Variants in INPP5A observed in about 807,000 individuals in gnomAD.
INPP5A encodes 43 kDa inositol polyphosphate 5-phophatase.
Under a neutral mutation model 65.2 loss-of-function variants are expected in INPP5A, and 14 were observed. That is an observed-to-expected ratio of 0.21 (90% CI 0.14 to 0.34). INPP5A has a LOEUF of 0.34. INPP5A is among the 10% of genes least tolerant of loss of function. The pLI, the probability that INPP5A is intolerant of heterozygous loss-of-function variation, is 1.00. For synonymous variants in INPP5A, 207 were observed against 208.3 expected (o/e 0.99, Z 0.05); for missense variants, 431 against 545.6 (o/e 0.79, Z 2.09).
intron 6 of INPP5A, among the ~76,000 whole-genome samples, chr10:132,703,940 C>G: frequency 7.6e-6 from 1 of 131,462 alleles, no homozygotes; most frequent in Non-Finnish European, 1.6e-5. Flanking sequence ...TTCACCCCCA[C>G]ACACACGCGG....
chr10:132,700,200 G>T (rs1325489693), intron 6 of INPP5A, among the ~76,000 whole-genome samples: 1 of 152,256 alleles, frequency 6.6e-6, no homozygotes, highest in South Asian at 2.1e-4. Flanking sequence ...GAAAGTAGAC[G>T]ATTCCTGGGA....
In INPP5A at chr10:132,644,598, C is replaced by T. The variant is rs2072469091; in HGVS notation, c.118-1270C>T. On this transcript the variant is annotated intron_variant, in intron 2 of 15. Transcript: ENST00000368594. This position sits in a 1 kb window ranked among gnomAD's most constrained non-coding sequence, Gnocchi z 6.5. ...GTGTCGTCGTGAGCACCTCCAGGCTCCCAAGCCCAGCACAGACAGCACCGG... is the reference window on the plus strand; with the variant it reads ...GTGTCGTCGTGAGCACCTCCAGGCTTCCAAGCCCAGCACAGACAGCACCGG... Among the ~76,000 whole-genome samples, 2 of 152,350 alleles carry T rather than the reference C, an allele frequency of 1.3e-5. No individual in the cohort carries two copies. The highest frequency in any genetic ancestry group is 2.1e-4 in the South Asian group (1 of 4,830).
At chr10:132,639,613 A>G (rs1271637529) in intron 2 of INPP5A, among the ~76,000 whole-genome samples, 1 of 152,216 alleles carries the variant, frequency 6.6e-6, no homozygotes. Flanking sequence ...CTGTAAATGT[A>G]TGTCTTTCAC....
At chr10:132,717,909 T>G (rs1845772463) in intron 8 of INPP5A, among the ~76,000 whole-genome samples, 1 of 140,192 alleles carries the variant, frequency 7.1e-6, no homozygotes, top group South Asian at 2.4e-4. Flanking sequence ...GGTTCTGTGG[T>G]ACCTGGGTTC....
At chr10:132,596,460 G>T (rs1443465448) in intron 1 of INPP5A, among the ~76,000 whole-genome samples, 3 of 149,360 alleles carry the variant, frequency 2.0e-5, no homozygotes, top group African/African-American at 7.4e-5. Context: ...ATGGAGTCTC[G>T]CACTGTCACC....
intron 3 of INPP5A, among the ~76,000 whole-genome samples, chr10:132,648,893 A>G (rs2072534703): frequency 6.6e-6 from 1 of 152,164 alleles, no homozygotes; most frequent in Non-Finnish European, 1.5e-5. Context: ...GAGCATTTGC[A>G]GTCTGTGGGT....
At position 132,549,440 on chromosome 10, in the gene INPP5A, G is replaced by C. The variant is rs1402290821; in HGVS notation, c.75+11269G>C. Among the ~76,000 whole-genome samples the C allele has an allele frequency of 6.6e-6, 1 of 152,178 alleles. No homozygotes were observed. The highest frequency in any genetic ancestry group is 1.5e-5 in the Non-Finnish European group (1 of 68,016). ...ATCTTGCGGTTTAACTTGCATTTCT[G>C]GTCCTACTTCCAAATAATAATTCCC... On this transcript the variant is annotated intron_variant, in intron 1 of 15. Transcript: ENST00000368594. The surrounding 1 kb of genome is among the most constrained non-coding windows in gnomAD (Gnocchi z 4.9).
intron 8 of INPP5A, among the ~76,000 whole-genome samples, chr10:132,718,465 G>C (rs1845787984): frequency 6.7e-6 from 1 of 149,696 alleles, no homozygotes; most frequent in Non-Finnish European, 1.5e-5. Context: ...TGTCTTCAGG[G>C]TTCTGTGGTG....
chr10:132,679,360 C>T (rs142511586), intron 4 of INPP5A, among the ~76,000 whole-genome samples: 1 of 152,028 alleles, frequency 6.6e-6, no homozygotes, highest in African/African-American at 2.4e-5. Context: ...TCGGACTTGT[C>T]ACGGGAGACC....
In INPP5A at chr10:132,678,499, C is replaced by T. The variant is rs1215229846; in HGVS notation, c.307-11893C>T. On this transcript the variant is annotated intron_variant, in intron 4 of 15. Transcript: ENST00000368594. The surrounding 1 kb of genome is among the most constrained non-coding windows in gnomAD (Gnocchi z 4.1). ...AGTGTGTTCAGCTTCTCGGGAGCACCGTGAACCTGTGCCTTGGGTTGTGCT... is the reference window on the plus strand; with the variant it reads ...AGTGTGTTCAGCTTCTCGGGAGCACTGTGAACCTGTGCCTTGGGTTGTGCT... 3.3e-5 allele frequency among the ~76,000 whole-genome samples: 5 copies of T among 152,134 alleles called. No homozygotes were observed. The highest frequency in any genetic ancestry group is 7.3e-5 in the Non-Finnish European group (5 of 68,030).
chr10:132,593,759 C>T (rs2071648899), intron 1 of INPP5A, among the ~76,000 whole-genome samples: 1 of 152,072 alleles, frequency 6.6e-6, no homozygotes, highest in African/African-American at 2.4e-5. Context: ...ATATGATCTG[C>T]CTAGGTATAG....
intron 2 of INPP5A, among the ~76,000 whole-genome samples, chr10:132,642,408 C>T (rs373085451): frequency 9.2e-5 from 14 of 152,212 alleles, no homozygotes; most frequent in Admixed American, 2.6e-4. Context: ...TCTGGCGTTC[C>T]GGGGCCCCTG....
intron 1 of INPP5A, among the ~76,000 whole-genome samples, chr10:132,574,625 TTTGTA>T (rs1249370005): frequency 7.8e-6 from 1 of 128,394 alleles, no homozygotes; most frequent in Non-Finnish European, 1.6e-5. Flanking sequence ...TTTTTTTAAT[TTTGTA>T]TTTTATTTTA....
chr10:132,624,222 T>G (rs1431270040), intron 2 of INPP5A, among the ~76,000 whole-genome samples: 2 of 152,210 alleles, frequency 1.3e-5, no homozygotes, highest in African/African-American at 4.8e-5. Flanking sequence ...CACAGCTGCT[T>G]CACCTGTGAT....
At chr10:132,696,127 G>T (rs1029187192) in intron 5 of INPP5A, among the ~76,000 whole-genome samples, 1 of 152,138 alleles carries the variant, frequency 6.6e-6, no homozygotes, top group Non-Finnish European at 1.5e-5. Flanking sequence ...CCCTGATCTT[G>T]GACTTCCCAT....
rs887482039 is a variant in INPP5A at position 132,616,737 on chromosome 10, G to A, written c.117+8781G>A. Reference sequence around the variant, plus strand: ...AGTGTGGGGGACATGGTGACATGGCGATGTGTCATGTGGTGATGGGGGACG... The same window carrying A: ...AGTGTGGGGGACATGGTGACATGGCAATGTGTCATGTGGTGATGGGGGACG... On this transcript the variant is annotated intron_variant, in intron 2 of 15. Coordinates refer to ENST00000368594, the MANE Select transcript of INPP5A (RefSeq NM_005539.5). This position sits in a 1 kb window ranked among gnomAD's most constrained non-coding sequence, Gnocchi z 4.9. Among the ~76,000 whole-genome samples, 23 of 151,530 alleles carry A rather than the reference G, an allele frequency of 1.5e-4. No homozygotes were observed. Among genetic ancestry groups the A allele is most frequent in the Admixed American group, 1.2e-3 (18 of 15,240 alleles).
chr10:132,563,259 G>T (rs7897520), intron 1 of INPP5A, among the ~76,000 whole-genome samples: 151,253 of 152,320 alleles, frequency 0.99, 75,100 homozygotes, highest in Middle Eastern at 1. Flanking sequence ...GGGGGCTGGC[G>T]GTGGCATTGG....
At chr10:132,718,496 C>T (rs1259222200) in intron 8 of INPP5A, among the ~76,000 whole-genome samples, 3 of 149,850 alleles carry the variant, frequency 2.0e-5, no homozygotes, top group Non-Finnish European at 4.5e-5. Flanking sequence ...CTCTGGGCGC[C>T]TTAGATGGCT....
At chr10:132,572,435 C>A (rs2071355631) in intron 1 of INPP5A, among the ~76,000 whole-genome samples, 1 of 152,130 alleles carries the variant, frequency 6.6e-6, no homozygotes, top group Non-Finnish European at 1.5e-5. Flanking sequence ...GGGGGTGGGG[C>A]CTTTCGTAGG....
Sources: allele counts gnomAD v4.1 joint callset (sites outside exome capture counted in the v4.1 genomes callset), GRCh38; gene constraint gnomAD v4.1.1; non-coding constraint Gnocchi (gnomAD v3.1); transcripts MANE v1.5; gene names NCBI Gene and HGNC (gene_info 2026-07-23, HGNC 2026-07-21).